AXDND1: variants seen among roughly 807,000 people sequenced by gnomAD.
The protein encoded by AXDND1 is axonemal dynein light chain domain containing 1, also known as axonemal dynein light chain domain-containing protein 1.
Under a neutral mutation model 137.5 loss-of-function variants are expected in AXDND1, and 110 were observed. The ratio of observed to expected loss-of-function variants is 0.80; its 90% confidence interval spans 0.69 to 0.94. AXDND1 has a LOEUF of 0.94. Among genes scored for constraint, AXDND1 ranks in the 40% least tolerant of loss-of-function variants. The pLI, the probability that AXDND1 is intolerant of heterozygous loss-of-function variation, is 0.00. For synonymous variants in AXDND1, 414 were observed against 399.7 expected (o/e 1.04, Z -0.43); for missense variants, 1,191 against 1,169.8 (o/e 1.02, Z -0.26).
intron 15 of AXDND1, among the ~76,000 whole-genome samples, chr1:179,432,771 G>A (rs1250260741): frequency 6.6e-6 from 1 of 151,962 alleles, no homozygotes; most frequent in Non-Finnish European, 1.5e-5. Context: ...GGGCACGGTG[G>A]CTCACACCTG....
chr1:179,520,688 G>A (rs1405691562), intron 21 of AXDND1, among the ~76,000 whole-genome samples: 1 of 151,548 alleles, frequency 6.6e-6, no homozygotes, highest in African/African-American at 2.4e-5. Flanking sequence ...ATGCTGAATT[G>A]TATTATCCAA....
chr1:179,388,217 G>C (rs11803472), intron 9 of AXDND1, among the ~76,000 whole-genome samples: 6,963 of 152,238 alleles, frequency 0.046, 236 homozygotes, highest in Non-Finnish European at 0.069. Flanking sequence ...CTTTGTCCTT[G>C]TTTTGTTGTT....
intron 18 of AXDND1, among the ~76,000 whole-genome samples, chr1:179,490,715 G>A (rs184121640): frequency 3.3e-5 from 5 of 150,446 alleles, no homozygotes; most frequent in African/African-American, 7.3e-5. Flanking sequence ...CAGATTGGAC[G>A]TTACCACCTT....
chr1:179,492,880 A>G lies in AXDND1; in HGVS notation c.2317A>G (p.Met773Val), dbSNP rs1667071566. The G allele has an allele frequency of 7.5e-6, 12 of 1,608,264 alleles. No homozygotes were observed. The highest frequency in any genetic ancestry group is 9.3e-6 in the Non-Finnish European group (11 of 1,178,472). Residue 773 changes from methionine to valine, a missense_variant, in exon 20 of 26, where the codon ATG becomes GTG. Coordinates refer to ENST00000367618, the MANE Select transcript of AXDND1 (RefSeq NM_144696.6). ...TTGTTGCAAAGGGATGGTAACAGCA[A>G]TGGCTCTGAGTAAATCCACTAACTC... ...SSCCKGMVTAMALSKSTNSHK... is the reference protein window; with the variant it reads ...SSCCKGMVTAVALSKSTNSHK...
At chr1:179,466,417 G>T (rs529390720) in intron 16 of AXDND1, among the ~76,000 whole-genome samples, 2 of 151,228 alleles carry the variant, frequency 1.3e-5, no homozygotes, top group South Asian at 4.2e-4. Context: ...GAGCCACTGC[G>T]CTGGGCCTTA....
rs748203170 is a variant in AXDND1 at position 179,551,346 on chromosome 1, G to A, written c.3032-3166G>A. 3.1e-6 allele frequency: 5 copies of A among 1,614,154 alleles called. No homozygotes were observed. Among genetic ancestry groups the A allele is most frequent in the Non-Finnish European group, 3.4e-6 (4 of 1,180,020 alleles). ...GGCTTCTCTGTGGACAGAGACTGAAGGGTGTGGAGGTATCGAAGCTGAACG... is the reference window on the plus strand; with the variant it reads ...GGCTTCTCTGTGGACAGAGACTGAAAGGTGTGGAGGTATCGAAGCTGAACG... On this transcript the variant is annotated intron_variant, in intron 25 of 25. Transcript: ENST00000367618.
intron 4 of AXDND1, among the ~76,000 whole-genome samples, chr1:179,373,985 A>AT (rs1363339329): frequency 1.3e-5 from 2 of 152,250 alleles, no homozygotes; most frequent in Non-Finnish European, 2.9e-5. Flanking sequence ...ATGGTATCTA[A>AT]TTAAACTAAA....
At chr1:179,520,329 A>C (rs1669934126) in intron 21 of AXDND1, among the ~76,000 whole-genome samples, 2 of 152,226 alleles carry the variant, frequency 1.3e-5, no homozygotes, top group Non-Finnish European at 2.9e-5. Context: ...GTCATCTGCA[A>C]ACAGGGATAG....
chr1:179,408,546 A>G (rs1653341079), intron 11 of AXDND1, among the ~76,000 whole-genome samples: 1 of 151,958 alleles, frequency 6.6e-6, no homozygotes, highest in Non-Finnish European at 1.5e-5. Flanking sequence ...ACACCTGGTG[A>G]ATTTTTGTAC....
intron 13 of AXDND1, among the ~76,000 whole-genome samples, chr1:179,430,043 T>C (rs1419356328): frequency 6.6e-6 from 1 of 150,962 alleles, no homozygotes; most frequent in Admixed American, 6.7e-5. Flanking sequence ...GACAATTCTG[T>C]GAGATAGATA....
chr1:179,428,837 A>G (rs768689708), intron 12 of AXDND1, among the ~76,000 whole-genome samples: 11 of 152,200 alleles, frequency 7.2e-5, no homozygotes, highest in Non-Finnish European at 1.3e-4. Context: ...GTTAATATGT[A>G]ATGGGTTTGT....
chr1:179,488,691 C>CTTTCTTTCT (rs1553292327), intron 18 of AXDND1, among the ~76,000 whole-genome samples: 5 of 115,734 alleles, frequency 4.3e-5, no homozygotes, highest in Middle Eastern at 5.2e-3. Flanking sequence ...TTCTTTCTTT[C>CTTTCTTTCT]TTTCTTTCCT....
At chr1:179,514,242 G>A (rs1669310947) in intron 21 of AXDND1, among the ~76,000 whole-genome samples, 1 of 152,072 alleles carries the variant, frequency 6.6e-6, no homozygotes, top group Admixed American at 6.6e-5. Flanking sequence ...AGCCTTTGCT[G>A]TATCCCAGAG....
intron 22 of AXDND1, among the ~76,000 whole-genome samples, chr1:179,527,903 C>G (rs1257694325): frequency 6.6e-6 from 1 of 152,180 alleles, no homozygotes; most frequent in African/African-American, 2.4e-5. Flanking sequence ...ATTTTACAAG[C>G]ACCTGTTCGG....
At chr1:179,465,772 A>T (rs1455971415) in intron 16 of AXDND1, among the ~76,000 whole-genome samples, 2 of 152,190 alleles carry the variant, frequency 1.3e-5, no homozygotes, top group African/African-American at 4.8e-5. Context: ...GGCTCCACCC[A>T]ATTCGACCTT....
intron 21 of AXDND1, among the ~76,000 whole-genome samples, chr1:179,520,975 T>C (rs145939354): frequency 1.1e-4 from 17 of 150,982 alleles, no homozygotes; most frequent in Non-Finnish European, 1.9e-4. Context: ...TTTGTTTTAT[T>C]TTTTGAGATT....
intron 15 of AXDND1, among the ~76,000 whole-genome samples, chr1:179,443,818 T>C (rs1256950512): frequency 6.6e-6 from 1 of 152,078 alleles, no homozygotes; most frequent in Non-Finnish European, 1.5e-5. Flanking sequence ...CTTTAAGGGG[T>C]CAGAGCTTGG....
intron 15 of AXDND1, among the ~76,000 whole-genome samples, chr1:179,436,333 A>G (rs1658147564): frequency 6.6e-6 from 1 of 152,190 alleles, no homozygotes; most frequent in Non-Finnish European, 1.5e-5. Flanking sequence ...CAGCAATCCC[A>G]TTACTGGGTA....
chr1:179,541,479 G>GTTTT (rs772571440), intron 25 of AXDND1, among the ~76,000 whole-genome samples: 1 of 139,766 alleles, frequency 7.2e-6, no homozygotes. Context: ...ATCCGTTTTT[G>GTTTT]TTTTTTTTTT....
Sources: allele counts gnomAD v4.1 joint callset (sites outside exome capture counted in the v4.1 genomes callset), GRCh38; gene constraint gnomAD v4.1.1; transcripts MANE v1.5; gene names NCBI Gene and HGNC (gene_info 2026-07-23, HGNC 2026-07-21).